The following SCFD2 variants were observed in gnomAD, a reference collection of about 807,000 sequenced individuals.
The protein encoded by SCFD2 is sec1 family domain-containing protein 2.
A neutral mutation model predicts 58.9 loss-of-function variants in SCFD2; 54 were observed. That is an observed-to-expected ratio of 0.92 (90% CI 0.74 to 1.15). The LOEUF is 1.15. Ranked by LOEUF, SCFD2 falls within the 50% of genes most tolerant of loss-of-function variation. SCFD2 has a pLI of 0.00. For missense variants in SCFD2, 805 were observed against 836.6 expected, an observed-to-expected ratio of 0.96 and a Z score of 0.47; for synonymous variants, 321 against 335.9, an observed-to-expected ratio of 0.96 and a Z score of 0.49.
At chr4:53,072,808 C>T (rs1560323483) in intron 5 of SCFD2, among the ~76,000 whole-genome samples, 1 of 152,026 alleles carries the variant, frequency 6.6e-6, no homozygotes, top group Admixed American at 6.6e-5. Context: ...CTCTTTCTTT[C>T]ACCTAGTAAA....
At chr4:53,007,411 G>A (rs139572188) in intron 5 of SCFD2, among the ~76,000 whole-genome samples, 21,474 of 89,210 alleles carry the variant, frequency 0.24, 2,343 homozygotes, top group African/African-American at 0.29. Flanking sequence ...GGAAGGGAGG[G>A]AGGGAGGGAG....
intron 2 of SCFD2, among the ~76,000 whole-genome samples, chr4:53,327,016 C>A (rs900113): frequency 0.96 from 144,355 of 149,670 alleles, 69,672 homozygotes; most frequent in East Asian, 1. Context: ...AAAAAAAAAA[C>A]AACAACAAAA....
intron 5 of SCFD2, among the ~76,000 whole-genome samples, chr4:53,129,180 A>G (rs751078129): frequency 6.6e-6 from 1 of 152,210 alleles, no homozygotes; most frequent in Admixed American, 6.5e-5. Context: ...GCAACAACTC[A>G]AGAGCCAGAC....
At chr4:53,137,800 T>C (rs1238750368) in intron 5 of SCFD2, among the ~76,000 whole-genome samples, 8 of 152,234 alleles carry the variant, frequency 5.3e-5, no homozygotes. Context: ...AGTAGTTTTT[T>C]GTGTCAAAAA....
At chr4:53,173,983 C>A (rs1480769767) in intron 4 of SCFD2, among the ~76,000 whole-genome samples, 1 of 151,722 alleles carries the variant, frequency 6.6e-6, no homozygotes, top group African/African-American at 2.4e-5. Context: ...AAGATGAAAG[C>A]AAAATAATTA....
chr4:53,222,116 T>C (rs1323458528), intron 4 of SCFD2, among the ~76,000 whole-genome samples: 1 of 152,214 alleles, frequency 6.6e-6, no homozygotes, highest in Admixed American at 6.5e-5. Flanking sequence ...TATATTACCA[T>C]CTCATCTGGA....
At chr4:53,205,145 G>A (rs1247179682) in intron 4 of SCFD2, among the ~76,000 whole-genome samples, 3 of 152,074 alleles carry the variant, frequency 2.0e-5, no homozygotes, top group Non-Finnish European at 4.4e-5. Context: ...TAGACGAAAA[G>A]GGAATCTGCA....
At chr4:53,158,350 T>C (rs1426756610) in intron 4 of SCFD2, among the ~76,000 whole-genome samples, 1 of 152,348 alleles carries the variant, frequency 6.6e-6, no homozygotes, top group South Asian at 2.1e-4. Context: ...CAAAACTACC[T>C]ATTGGACTTC....
chr4:53,160,289 T>C (rs1195064424), intron 4 of SCFD2, among the ~76,000 whole-genome samples: 1 of 152,170 alleles, frequency 6.6e-6, no homozygotes, highest in Admixed American at 6.5e-5. Context: ...TCATTTCGGC[T>C]ATGGTGAAGA....
intron 5 of SCFD2, among the ~76,000 whole-genome samples, chr4:53,033,388 C>T (rs778756064): frequency 5.3e-5 from 8 of 151,876 alleles, no homozygotes; most frequent in Non-Finnish European, 1.2e-4. Flanking sequence ...AATTGACATC[C>T]TAACATCAAA....
intron 4 of SCFD2, among the ~76,000 whole-genome samples, chr4:53,191,778 A>C (rs554144729): frequency 2.0e-4 from 31 of 152,330 alleles, no homozygotes; most frequent in Non-Finnish European, 4.0e-4. Flanking sequence ...TTGTGACTGC[A>C]AAAAGGTTTG....
intron 4 of SCFD2, among the ~76,000 whole-genome samples, chr4:53,190,373 G>T (rs1727857542): frequency 6.6e-6 from 1 of 152,090 alleles, no homozygotes; most frequent in African/African-American, 2.4e-5. Context: ...AGCCACATGG[G>T]CATCCTTGCT....
chr4:52,932,207 G>C (rs1462860352), intron 5 of SCFD2, among the ~76,000 whole-genome samples: 1 of 152,228 alleles, frequency 6.6e-6, no homozygotes, highest in Non-Finnish European at 1.5e-5. Flanking sequence ...CAGTGTGGGA[G>C]TCATATGGTG....
chr4:53,341,698 C>A (rs568529158), intron 2 of SCFD2, among the ~76,000 whole-genome samples: 11 of 152,144 alleles, frequency 7.2e-5, no homozygotes, highest in East Asian at 1.9e-4. Flanking sequence ...TGTTCAGGGC[C>A]ACCAGAGAGA....
intron 4 of SCFD2, among the ~76,000 whole-genome samples, chr4:53,173,271 A>G (rs1727232389): frequency 6.6e-6 from 1 of 152,210 alleles, no homozygotes; most frequent in Admixed American, 6.5e-5. Flanking sequence ...TTTTCAACTT[A>G]CCATGGATTT....
At chr4:52,925,004 C>T (rs1239040972) in intron 5 of SCFD2, among the ~76,000 whole-genome samples, 3 of 152,184 alleles carry the variant, frequency 2.0e-5, no homozygotes, top group Non-Finnish European at 4.4e-5. Flanking sequence ...CAGTTGCTCA[C>T]ACTATGCTAG....
Position 53,173,159 on chromosome 4 carries a change from G to A in SCFD2, c.1312-27577C>T, listed in dbSNP as rs567894135. On this transcript the variant is annotated intron_variant, in intron 4 of 8. Transcript: ENST00000401642. ...GTCTATTTTGTCTAATATAAGTACAGATGCCCCTTAACTTGTAATAGGATT... is the reference window on the plus strand; with the variant it reads ...GTCTATTTTGTCTAATATAAGTACAAATGCCCCTTAACTTGTAATAGGATT... 1.3e-3 allele frequency among the ~76,000 whole-genome samples: 193 copies of A among 152,234 alleles called. 2 individuals carry two copies. The South Asian group carries it at 0.014, about 11-fold the overall frequency.
chr4:53,021,276 T>C (rs988799680), intron 5 of SCFD2, among the ~76,000 whole-genome samples: 1 of 152,194 alleles, frequency 6.6e-6, no homozygotes, highest in Non-Finnish European at 1.5e-5. Flanking sequence ...CAATTGTTTT[T>C]AAAAATGTAT....
chr4:53,191,476 C>T (rs140377545), intron 4 of SCFD2, among the ~76,000 whole-genome samples: 2,804 of 151,966 alleles, frequency 0.018, 92 homozygotes, highest in African/African-American at 0.064. Context: ...GCACGATCTC[C>T]GCTCACTGCA....
Sources: gnomAD v4.1 joint callset for allele counts (sites outside exome capture counted in the v4.1 genomes callset) on GRCh38, gnomAD v4.1.1 for gene constraint, MANE v1.5 for transcripts, NCBI Gene and HGNC (gene_info 2026-07-23, HGNC 2026-07-21) for gene names.